The following DOCK10 variants were observed in gnomAD, a reference collection of about 807,000 sequenced individuals.
DOCK10 encodes dedicator of cytokinesis 10.
DOCK10 carries 145 observed loss-of-function variants against 280.1 expected under a neutral mutation model. The observed-to-expected ratio is 0.52, with a 90% CI of 0.45 to 0.59. The LOEUF is 0.59. DOCK10 is among the 20% of genes least tolerant of loss of function. The probability of loss-of-function intolerance (pLI) is 0.00; values close to 1 mark genes in which losing one functional copy is unlikely to be tolerated. For missense variants in DOCK10, 2,368 were observed against 2,651.7 expected (o/e 0.89, Z 2.35); for synonymous variants, 915 against 942.2 (o/e 0.97, Z 0.53).
chr2:224,813,566 C>T (rs1240500303), intron 31 of DOCK10, among the ~76,000 whole-genome samples: 1 of 152,214 alleles, frequency 6.6e-6, no homozygotes, highest in Non-Finnish European at 1.5e-5. Flanking sequence ...AACCTGCTGT[C>T]TGCTAGCACT....
At chr2:224,871,663 A>C (rs1195187835) in intron 11 of DOCK10, among the ~76,000 whole-genome samples, 1 of 152,004 alleles carries the variant, frequency 6.6e-6, no homozygotes, top group Non-Finnish European at 1.5e-5. Context: ...GCTAAAGCTT[A>C]CCTGTCTTGG....
intron 2 of DOCK10, among the ~76,000 whole-genome samples, chr2:224,924,055 G>A (rs1453979742): frequency 2.0e-5 from 3 of 152,098 alleles, no homozygotes; most frequent in Non-Finnish European, 4.4e-5. Context: ...TTACTCCTTT[G>A]CTATGTTCCA....
Position 224,841,916 on chromosome 2 carries a change from GTATT to G in DOCK10, c.2569-24_2569-21del, listed in dbSNP as rs767145024. The G allele has an allele frequency of 3.9e-6, 6 of 1,546,200 alleles. No homozygotes were observed. The highest frequency in any genetic ancestry group is 2.3e-5 in the East Asian group (1 of 44,428). ...TGGATCCTACAACAGCAAAAAAAAA[GTATT>G]TATTTCTGATGACACGTAAACCGTG... On this transcript the variant is annotated intron_variant, in intron 22 of 55. Transcript: ENST00000258390.
At chr2:224,872,030 T>C (rs898344123) in intron 11 of DOCK10, among the ~76,000 whole-genome samples, 4 of 152,194 alleles carry the variant, frequency 2.6e-5, no homozygotes, top group African/African-American at 9.6e-5. Flanking sequence ...ATAAGTATAT[T>C]TGGAGAATGA....
chr2:224,801,295 A>C (rs971806714), intron 40 of DOCK10, among the ~76,000 whole-genome samples: 10 of 151,430 alleles, frequency 6.6e-5, no homozygotes, highest in Admixed American at 2.0e-4. Flanking sequence ...AAAAAAAAAA[A>C]AAAAAAAACA....
intron 25 of DOCK10, 35 bp from the exon 26 acceptor site, chr2:224,834,298 A>G: frequency 8.3e-7 from 1 of 1,209,262 alleles, no homozygotes; most frequent in South Asian, 1.2e-5. Context: ...AAAGTTAAAT[A>G]CTTTGAAAAA....
intron 30 of DOCK10, among the ~76,000 whole-genome samples, chr2:224,816,071 T>C (rs958051027): frequency 2.6e-5 from 4 of 151,936 alleles, no homozygotes; most frequent in Non-Finnish European, 5.9e-5. Context: ...AGAAAAAAAC[T>C]GTACCTCATA....
rs78909101 is a variant in DOCK10 at position 224,799,622 on chromosome 2, C to T, written c.4506+529G>A. Reference sequence around the variant, plus strand: ...GTTCTCCAACATGTTTTTACCATTTCGCATTCCCACTGTCAATAAATAGGA... The same window carrying T: ...GTTCTCCAACATGTTTTTACCATTTTGCATTCCCACTGTCAATAAATAGGA... On this transcript the variant is annotated intron_variant, in intron 41 of 55. Transcript: ENST00000258390. Among the ~76,000 whole-genome samples, 1,163 of 152,284 alleles carry T rather than the reference C, an allele frequency of 7.6e-3. 16 individuals are homozygous for T. The highest frequency in any genetic ancestry group is 0.024 in the African/African-American group (1,003 of 41,570).
intron 27 of DOCK10, among the ~76,000 whole-genome samples, chr2:224,830,080 C>T (rs112584015): frequency 0.013 from 2,050 of 152,320 alleles, 50 homozygotes; most frequent in African/African-American, 0.046. Flanking sequence ...TACCCTCCCC[C>T]CAGGCTGCTC....
chr2:224,841,631 C>T (rs545884195), intron 23 of DOCK10, among the ~76,000 whole-genome samples, 173 bp downstream of exon 23: 1 of 152,136 alleles, frequency 6.6e-6, no homozygotes, highest in Non-Finnish European at 1.5e-5. Context: ...AGTCAAGAAA[C>T]AGAAACTATT....
At chr2:224,865,122 T>C (rs544244166) in intron 11 of DOCK10, 35 bp from the exon 12 acceptor site, 3 of 1,591,198 alleles carry the variant, frequency 1.9e-6, no homozygotes, top group African/African-American at 1.3e-5. Flanking sequence ...GTTTTTGATA[T>C]AAAATCATTA....
intron 1 of DOCK10, among the ~76,000 whole-genome samples, chr2:224,956,850 T>C (rs995679116): frequency 3.3e-5 from 5 of 152,146 alleles, no homozygotes. Context: ...CTTTTCCTAA[T>C]GTATACTCAG....
intron 23 of DOCK10, among the ~76,000 whole-genome samples, chr2:224,840,390 T>A (rs1410203435): frequency 6.6e-6 from 1 of 152,044 alleles, no homozygotes; most frequent in East Asian, 1.9e-4. Context: ...CCAAAATATA[T>A]AAGGAACTCA....
intron 48 of DOCK10, among the ~76,000 whole-genome samples, chr2:224,787,660 C>T (rs1256696924): frequency 6.6e-6 from 1 of 152,194 alleles, no homozygotes. Flanking sequence ...CTACTGACTT[C>T]GTACTCCCTG....
In DOCK10 at chr2:224,778,321, A is replaced by G. The variant is rs771362493; in HGVS notation, c.5656-37T>C. On this transcript the variant is annotated intron_variant, in intron 50 of 55. Coordinates refer to ENST00000258390, the MANE Select transcript of DOCK10 (RefSeq NM_014689.3). ...AATGAACCACCAATTTTATTAGACA[A>G]TGCTAATCATAAATCAAAAGCAAAA... The G allele has an allele frequency of 1.9e-6, 3 of 1,562,386 alleles. No individual in the cohort carries two copies. In the South Asian group the frequency reaches 3.5e-5, roughly 18 times the overall value.
intron 1 of DOCK10, among the ~76,000 whole-genome samples, chr2:224,991,310 T>A (rs1485871496): frequency 6.6e-6 from 1 of 152,202 alleles, no homozygotes; most frequent in Non-Finnish European, 1.5e-5. Flanking sequence ...ATCCTAGTTT[T>A]GTTGTCTTGG....
chr2:224,961,466 C>CT (rs1553623602), intron 1 of DOCK10, among the ~76,000 whole-genome samples: 2 of 48,152 alleles, frequency 4.2e-5, no homozygotes, highest in Non-Finnish European at 8.6e-5. Flanking sequence ...TTCTTTCTTT[C>CT]TTTTTCTTTC....
rs1473040481 is a variant in DOCK10, at chr2:224,787,392, G to A, written c.5424C>T (p.Ile1808=). 4.3e-6 allele frequency: 7 copies of A among 1,613,784 alleles called. No individual in the cohort carries two copies. The highest frequency in any genetic ancestry group is 5.9e-6 in the Non-Finnish European group (7 of 1,179,836). ...GMQDTPYNEN[I]LVEQLYMCVE... ...CACACATGTATAGCTGCTCCACCAG[G>A]ATATTCTGCAATTCCCCCAATCAAA... is the stretch of plus-strand genomic sequence containing the variant. Residue 1808 remains isoleucine, a synonymous_variant, in exon 49 of 56, where the codon ATC becomes ATT. Coordinates refer to ENST00000258390, the MANE Select transcript of DOCK10 (RefSeq NM_014689.3).
intron 39 of DOCK10, among the ~76,000 whole-genome samples, chr2:224,803,023 C>T (rs952484360): frequency 6.6e-6 from 1 of 152,164 alleles, no homozygotes. Flanking sequence ...GATTCCTTGG[C>T]TCTAGGCTTT....
Sources: gnomAD v4.1 joint callset for allele counts (sites outside exome capture counted in the v4.1 genomes callset) on GRCh38, gnomAD v4.1.1 for gene constraint, MANE v1.5 for transcripts, NCBI Gene and HGNC (gene_info 2026-07-23, HGNC 2026-07-21) for gene names.